The following CAMTA1 variants were observed in gnomAD, a reference collection of about 807,000 sequenced individuals.
CAMTA1 encodes calmodulin binding transcription activator 1.
A neutral mutation model predicts 170.9 loss-of-function variants in CAMTA1; 27 were observed. The ratio of observed to expected loss-of-function variants is 0.16; its 90% CI spans 0.12 to 0.22. The LOEUF is 0.22. CAMTA1 is among the 10% of genes least tolerant of loss of function. The probability of loss-of-function intolerance (pLI) is 1.00; values close to 1 mark genes in which losing one functional copy is unlikely to be tolerated. For missense variants in CAMTA1, 1,619 were observed against 2,217.2 expected, an observed-to-expected ratio of 0.73 and a Z score of 5.42; for synonymous variants, 833 against 891.5, an observed-to-expected ratio of 0.93 and a Z score of 1.17.
chr1:7,385,388 A>G (rs75086700), intron 5 of CAMTA1, among the ~76,000 whole-genome samples: 1 of 152,096 alleles, frequency 6.6e-6, no homozygotes, highest in Non-Finnish European at 1.5e-5. Flanking sequence ...CTGCTTAGAC[A>G]TTTGCTTTTG....
Position 7,014,974 on chromosome 1 carries a change from C to T in CAMTA1, c.235-76330C>T, listed in dbSNP as rs973930516. On this transcript the variant is annotated intron_variant, in intron 3 of 22. Transcript: ENST00000303635. The surrounding 1 kb of genome is among the most constrained non-coding windows in gnomAD (Gnocchi z 4.2). ...ACAAGCTAAATGATCTGTACATTGTCCTCCAACTCTGAGAGCCTCTGATCC... is the reference window on the plus strand; with the variant it reads ...ACAAGCTAAATGATCTGTACATTGTTCTCCAACTCTGAGAGCCTCTGATCC... Among the ~76,000 whole-genome samples, 4 of 152,282 alleles carry T rather than the reference C, an allele frequency of 2.6e-5. No homozygotes were observed. Among genetic ancestry groups the T allele is most frequent in the African/African-American group, 7.2e-5 (3 of 41,546 alleles).
intron 4 of CAMTA1, among the ~76,000 whole-genome samples, chr1:7,172,994 A>T (rs182136218): frequency 2.0e-5 from 3 of 152,130 alleles, no homozygotes; most frequent in African/African-American, 4.8e-5. Flanking sequence ...CTCGGGGAGG[A>T]TGGGCTGGCT....
At chr1:7,707,645 G>A (rs1270766236) in intron 11 of CAMTA1, among the ~76,000 whole-genome samples, 2 of 152,140 alleles carry the variant, frequency 1.3e-5, no homozygotes, top group Non-Finnish European at 2.9e-5. Flanking sequence ...CCAAAGTGCT[G>A]AGATCACAGG....
At position 7,490,640 on chromosome 1, in the gene CAMTA1, G is replaced by A. The variant is rs559000668; in HGVS notation, c.510+22739G>A. Among the ~76,000 whole-genome samples the A allele has an allele frequency of 1.7e-4, 22 of 132,782 alleles. No individual in the cohort carries two copies. In the South Asian group the frequency reaches 5.2e-3, roughly 32 times the overall value. 87.1% of individuals were successfully genotyped at this position (132,782 alleles called of 152,430 possible). On this transcript the variant is annotated intron_variant, in intron 6 of 22. Coordinates refer to ENST00000303635, the MANE Select transcript of CAMTA1 (RefSeq NM_015215.4). The stretch of plus-strand genomic sequence containing the variant: ...GCACTCCAGCCTGGGTGACGAGAGC[G>A]AAACTCCATCTCAAAAAAAAAAAGT...
intron 4 of CAMTA1, among the ~76,000 whole-genome samples, chr1:7,155,387 TG>T (rs112392921): frequency 1.7e-5 from 2 of 120,966 alleles, no homozygotes; most frequent in South Asian, 2.8e-4. Flanking sequence ...AGGGCACCGT[TG>T]GGGGGGGGAT....
chr1:7,652,072 G>A (rs4908663), intron 7 of CAMTA1, among the ~76,000 whole-genome samples: 111,090 of 150,394 alleles, frequency 0.74, 41,364 homozygotes, highest in East Asian at 0.91. Flanking sequence ...CCCCAAATGA[G>A]GAGGCCCTGT....
intron 5 of CAMTA1, among the ~76,000 whole-genome samples, chr1:7,431,592 A>G (rs1277670188): frequency 6.6e-6 from 1 of 152,090 alleles, no homozygotes; most frequent in Non-Finnish European, 1.5e-5. Flanking sequence ...TCCCGAATGG[A>G]CGGCCACTTT....
intron 5 of CAMTA1, among the ~76,000 whole-genome samples, chr1:7,394,531 T>C (rs2089076248): frequency 6.6e-6 from 1 of 152,198 alleles, no homozygotes; most frequent in South Asian, 2.1e-4. Context: ...CACTTTTTAA[T>C]CAGATTATTT....
At position 6,835,650 on chromosome 1, in the gene CAMTA1, G is replaced by T. The variant is rs114723851; in HGVS notation, c.234+10440G>T. ...TTAGAGGAAGAATCTCAGCCTCCTG[G>T]AAGTGTGTTCTAATTAACTTCACTG... On this transcript the variant is annotated intron_variant, in intron 3 of 22. Transcript: ENST00000303635. 5.4e-3 allele frequency among the ~76,000 whole-genome samples: 823 copies of T among 152,244 alleles called. 1 individual carries two copies. The highest frequency in any genetic ancestry group is 9.3e-3 in the Non-Finnish European group (635 of 68,020).
intron 7 of CAMTA1, among the ~76,000 whole-genome samples, chr1:7,655,246 ACACCTATACACACAGACC>A (rs2095885033): frequency 1.3e-5 from 2 of 149,030 alleles, no homozygotes; most frequent in Admixed American, 6.7e-5. Flanking sequence ...CTATACACAC[ACACCTATACACACAGACC>A]CACCTATACA....
At chr1:6,829,036 A>C (rs1052545950) in intron 3 of CAMTA1, among the ~76,000 whole-genome samples, 3 of 151,382 alleles carry the variant, frequency 2.0e-5, no homozygotes, top group African/African-American at 7.3e-5. Context: ...GGCTGGGATT[A>C]CAGGCATGTG....
intron 3 of CAMTA1, among the ~76,000 whole-genome samples, chr1:6,972,038 G>A (rs1442292398): frequency 1.3e-5 from 2 of 152,352 alleles, no homozygotes; most frequent in South Asian, 2.1e-4. Context: ...TGTTGGAGAA[G>A]GAGGGGCGGG....
intron 4 of CAMTA1, among the ~76,000 whole-genome samples, chr1:7,154,075 G>C (rs1646730816): frequency 6.6e-6 from 1 of 152,218 alleles, no homozygotes; most frequent in South Asian, 2.1e-4. Flanking sequence ...CCTGTGGCAA[G>C]CCATTGTTTT....
intron 6 of CAMTA1, among the ~76,000 whole-genome samples, chr1:7,577,833 T>A (rs996825066): frequency 3.9e-5 from 6 of 152,156 alleles, no homozygotes; most frequent in Admixed American, 6.5e-5. Flanking sequence ...TGTGTTCCAA[T>A]AAAACTTTAT....
intron 5 of CAMTA1, among the ~76,000 whole-genome samples, chr1:7,402,557 G>T (rs955883018): frequency 6.6e-6 from 1 of 152,162 alleles, no homozygotes; most frequent in Non-Finnish European, 1.5e-5. Context: ...ATTATATGCT[G>T]CAGTCGTGAT....
rs113135432 is a variant in CAMTA1 at position 7,715,038 on chromosome 1, T to G, written c.2915-17410T>G. ...CTGTGAAACAGTTTTCCTGGAGCTT[T>G]CTTTTATTCTTGTCTGTAACATCAT... On this transcript the variant is annotated intron_variant, in intron 11 of 22. Coordinates refer to ENST00000303635, the MANE Select transcript of CAMTA1 (RefSeq NM_015215.4). Among the ~76,000 whole-genome samples the G allele has an allele frequency of 7.2e-3, 1,093 of 152,352 alleles. 11 individuals carry two copies. Among genetic ancestry groups the G allele is most frequent in the Middle Eastern group, 0.017 (5 of 294 alleles).
chr1:7,350,382 C>G (rs984358067), intron 5 of CAMTA1, among the ~76,000 whole-genome samples: 2 of 152,234 alleles, frequency 1.3e-5, no homozygotes, highest in African/African-American at 4.8e-5. Flanking sequence ...CCCTGAACCC[C>G]TGGGTGCACA....
chr1:7,766,377 G>C, intron 22 of CAMTA1, 82 bp from the exon 23 acceptor site: 1 of 1,281,000 alleles, frequency 7.8e-7, no homozygotes, highest in Non-Finnish European at 1.1e-6. Flanking sequence ...AGTTCAGAGG[G>C]AGTGGTAATA....
At chr1:7,749,886 C>A in intron 19 of CAMTA1, 1 of 450,102 alleles carries the variant, frequency 2.2e-6, no homozygotes, top group Non-Finnish European at 4.5e-6. Context: ...TAAGATGGCA[C>A]AGTCATGGAG....
Sources: allele counts gnomAD v4.1 joint callset (sites outside exome capture counted in the v4.1 genomes callset), GRCh38; gene constraint gnomAD v4.1.1; non-coding constraint Gnocchi (gnomAD v3.1); transcripts MANE v1.5; gene names NCBI Gene and HGNC (gene_info 2026-07-23, HGNC 2026-07-21).